Variants in MAN2A2 observed in about 807,000 individuals in gnomAD.
The protein encoded by MAN2A2 is mannosidase alpha class 2A member 2.
In MAN2A2, 79 loss-of-function variants were observed where a neutral mutation model predicts 126.8. The observed-to-expected ratio is 0.62, with a 90% CI of 0.52 to 0.75. The LOEUF (loss-of-function observed/expected upper bound fraction) is 0.75, where lower values mean the gene tolerates loss of function less well. Among genes scored for constraint, MAN2A2 ranks in the 30% least tolerant of loss-of-function variants. The pLI, the probability that MAN2A2 is intolerant of heterozygous loss-of-function variation, is 0.00. For synonymous variants in MAN2A2, 671 were observed against 618.7 expected (o/e 1.08, Z -1.25); for missense variants, 1,392 against 1,522.4 (o/e 0.91, Z 1.43).
intron 22 of MAN2A2, among the ~76,000 whole-genome samples, chr15:90,918,970 C>G (rs1440636591): frequency 6.6e-6 from 1 of 152,182 alleles, no homozygotes. Flanking sequence ...GTTCCCTGAG[C>G]AGGGACCTCT....
In MAN2A2 at chr15:90,914,542, C is replaced by T. The variant is rs544300620; in HGVS notation, c.2860+787C>T. 7.2e-5 allele frequency among the ~76,000 whole-genome samples: 11 copies of T among 151,854 alleles called. No individual in the cohort carries two copies. The East Asian group carries it at 9.7e-4, about 13-fold the overall frequency. On this transcript the variant is annotated intron_variant, in intron 19 of 22. Coordinates refer to ENST00000559717, the MANE Select transcript of MAN2A2 (RefSeq NM_006122.4). ...TTTTTTTTGTTTTTTTGTTTTGAGA[C>T]GGAGTTTCACTCTTTCGCCCAGGCT... is the stretch of plus-strand genomic sequence containing the variant.
In MAN2A2 at chr15:90,905,605, G is replaced by A. The variant is rs915735275; in HGVS notation, c.417G>A (p.Pro139=). Residue 139 remains proline, a synonymous_variant, in exon 4 of 23, where the codon CCG becomes CCA. Transcript: ENST00000559717. ...TGCTCACTGTGTCGGAGGAGCTGCC[G>A]TTTGACAACGTGGATGGTGGTGTGT... ...LQMLTVSEEL[P]FDNVDGGVWR... 6.8e-6 allele frequency: 11 copies of A among 1,614,086 alleles called. No homozygotes were observed. Among genetic ancestry groups the A allele is most frequent in the East Asian group, 4.5e-5 (2 of 44,900 alleles).
chr15:90,912,177 C>A lies in MAN2A2; in HGVS notation c.2244C>A (p.His748Gln), dbSNP rs144474978. Residue 748 changes from histidine (H) to glutamine (Q), a missense_variant, in exon 15 of 23, where the codon CAC becomes CAA. Coordinates refer to ENST00000559717, the MANE Select transcript of MAN2A2 (RefSeq NM_006122.4). Reference protein sequence around the residue: ...LHGRQLSVSRHEAFPLRVIDS... With the variant: ...LHGRQLSVSRQEAFPLRVIDS... ...GCCGGCAGCTGTCCGTCAGCAGGCA[C>A]GAAGCGTTTCCTCTCCGTGTCATTG... 2.0e-5 allele frequency: 33 copies of A among 1,614,092 alleles called. No individual in the cohort carries two copies. Among genetic ancestry groups the A allele is most frequent in the Non-Finnish European group, 2.8e-5 (33 of 1,180,000 alleles).
chr15:90,904,174 G>T lies in MAN2A2; in HGVS notation c.-18-16G>T, dbSNP rs1174015790. On this transcript the variant is annotated splice_polypyrimidine_tract_variant and intron_variant, in intron 1 of 22. Transcript: ENST00000559717. The stretch of plus-strand genomic sequence containing the variant: ...ATTTTGCATGTTGGAGCTACAGATG[G>T]TGTCCTTCCTGCCAGGTGTGTGTGG... 5 of 1,613,976 alleles carry T rather than the reference G, an allele frequency of 3.1e-6. No homozygotes were observed. Among genetic ancestry groups the T allele is most frequent in the African/African-American group, 1.3e-5 (1 of 74,938 alleles).
In MAN2A2 at chr15:90,911,024, G is replaced by A. The variant is rs1400368023; in HGVS notation, c.1875+63G>A. ...GTGTGCAGGTCCCATCCCAAGAGCT[G>A]CTGGATGGGGGTGCCGCTTCTCTTT... On this transcript the variant is annotated intron_variant, in intron 12 of 22. Transcript: ENST00000559717. 25 of 1,499,510 alleles carry A rather than the reference G, an allele frequency of 1.7e-5. 1 individual carries two copies. 92.9% of individuals were successfully genotyped at this position (1,499,510 alleles called of 1,614,324 possible). A position where few individuals can be genotyped will look rare whatever the true frequency, so the allele number is the denominator to read the frequency against.
chr15:90,913,803 C>A (rs979051575), intron 19 of MAN2A2, 48 bp downstream of exon 19: 3 of 1,528,964 alleles, frequency 2.0e-6, no homozygotes, highest in Admixed American at 4.3e-5. Flanking sequence ...CAAAAAGAAG[C>A]CCGTCCCCAC....
chr15:90,912,659 G>A lies in MAN2A2; in HGVS notation c.2464G>A (p.Ala822Thr). ...CTACCTCTTCCTGCCCGATGGCGAGGCCAAGGTATCCTAAAGATGCCTTGA... is the reference window on the plus strand; with the variant it reads ...CTACCTCTTCCTGCCCGATGGCGAGACCAAGGTATCCTAAAGATGCCTTGA... ...GAYLFLPDGEAKPYVPKEPPV... is the reference protein window; with the variant it reads ...GAYLFLPDGETKPYVPKEPPV... Residue 822 changes from alanine (A) to threonine (T), a missense_variant, in exon 16 of 23, where the codon GCC (alanine) becomes ACC (threonine). By Grantham distance (58) the Ala-to-Thr change is moderately conservative. Coordinates refer to ENST00000559717, the MANE Select transcript of MAN2A2 (RefSeq NM_006122.4). 3 of 1,614,098 alleles carry A rather than the reference G, an allele frequency of 1.9e-6. No homozygotes were observed. The highest frequency in any genetic ancestry group is 2.5e-6 in the Non-Finnish European group (3 of 1,180,022).
At chr15:90,910,741 C>T (rs1290069154) in intron 11 of MAN2A2, 58 bp downstream of exon 11, 1 of 1,605,834 alleles carries the variant, frequency 6.2e-7, no homozygotes, top group Non-Finnish European at 8.5e-7. Flanking sequence ...AAAGAAAGGA[C>T]ATTGGGTGGT....
intron 19 of MAN2A2, 148 bp downstream of exon 19, chr15:90,913,903 C>A: frequency 9.0e-7 from 1 of 1,111,216 alleles, no homozygotes; most frequent in Non-Finnish European, 1.2e-6. Context: ...CCATTCAGAG[C>A]TCTTGGCACA....
intron 22 of MAN2A2, 59 bp from the exon 23 acceptor site, chr15:90,919,576 C>T (rs986615073): frequency 2.6e-5 from 42 of 1,585,400 alleles, no homozygotes; most frequent in Non-Finnish European, 3.6e-5. Flanking sequence ...AGATGAACAG[C>T]CACATTCTTT....
In MAN2A2 at chr15:90,906,034, A is replaced by G. The variant is rs756854134; in HGVS notation, c.707+18A>G. ...GTCCGAAGGCCAGTACCAGGCGGGG[A>G]GGCATGGGAGGGCATTGTCTGAGCC... On this transcript the variant is annotated intron_variant, in intron 5 of 22. Transcript: ENST00000559717. The G allele has an allele frequency of 1.9e-6, 3 of 1,612,964 alleles. No homozygotes were observed. In the South Asian group the frequency reaches 3.3e-5, roughly 18 times the overall value.
At position 90,909,515 on chromosome 15, in the gene MAN2A2, C is replaced by G. The variant is rs369561249; in HGVS notation, c.1374+11C>G. ...AACCTCCATGTGCAGGTGTGAGGGGCACTTGACTGGGGAGGGGCCTCACAG... is the reference window on the plus strand; with the variant it reads ...AACCTCCATGTGCAGGTGTGAGGGGGACTTGACTGGGGAGGGGCCTCACAG... On this transcript the variant is annotated intron_variant, in intron 9 of 22. Transcript: ENST00000559717. 6.2e-7 allele frequency: 1 copy of G among 1,602,716 alleles called. No homozygotes were observed. The highest frequency in any genetic ancestry group is 2.2e-5 in the East Asian group (1 of 44,570).
intron 17 of MAN2A2, 79 bp from the exon 18 acceptor site, chr15:90,913,194 C>T: frequency 6.5e-7 from 1 of 1,549,154 alleles, no homozygotes; most frequent in South Asian, 1.2e-5. Flanking sequence ...CCCAGCTCGG[C>T]TCTGATCCCC....
At chr15:90,919,310 G>C (rs1241171302) in intron 22 of MAN2A2, among the ~76,000 whole-genome samples, 4 of 152,246 alleles carry the variant, frequency 2.6e-5, no homozygotes, top group Non-Finnish European at 5.9e-5. Flanking sequence ...CGTGATCGCA[G>C]CTCACTGCAA....
intron 8 of MAN2A2, among the ~76,000 whole-genome samples, chr15:90,908,520 C>T (rs1214876273): frequency 6.6e-6 from 1 of 151,972 alleles, no homozygotes; most frequent in East Asian, 1.9e-4. Context: ...CATTATGTAC[C>T]AGGCACTATT....
chr15:90,915,309 G>C (rs560409218), intron 19 of MAN2A2: 1 of 152,382 alleles, frequency 6.6e-6, no homozygotes, highest in Non-Finnish European at 1.5e-5. Context: ...GACTGGAGAG[G>C]TGAAAGGGAG....
chr15:90,910,049 G>T lies in MAN2A2; in HGVS notation c.1375-41G>T, dbSNP rs536034645. The T allele has an allele frequency of 2.1e-4, 327 of 1,564,350 alleles. 2 individuals are homozygous for T. In the South Asian group the frequency reaches 3.2e-3, roughly 15 times the overall value. On this transcript the variant is annotated intron_variant, in intron 9 of 22. Coordinates refer to ENST00000559717, the MANE Select transcript of MAN2A2 (RefSeq NM_006122.4). ...GCACTGTGGCCACAATTTGCAGGAG[G>T]CTCTAGAACTGATGGGAGTGGGTTT...
chr15:90,910,657 G>C lies in MAN2A2; in HGVS notation c.1734G>C (p.Glu578Asp). The change falls in exon 11 of 23, where the codon GAG becomes GAC. Residue 578 changes from glutamate (E) to aspartate (D), a missense_variant. Coordinates refer to ENST00000559717, the MANE Select transcript of MAN2A2 (RefSeq NM_006122.4). ...HHDAITGTAK[E>D]AVVVDYGVRL... ...ATGCCATCACTGGCACGGCCAAGGAGGCTGTGGTGGTGGACTATGGGGTCA... is the reference window on the plus strand; with the variant it reads ...ATGCCATCACTGGCACGGCCAAGGACGCTGTGGTGGTGGACTATGGGGTCA... 6.2e-7 allele frequency: 1 copy of C among 1,614,134 alleles called. No homozygotes were observed. The highest frequency in any genetic ancestry group is 8.5e-7 in the Non-Finnish European group (1 of 1,180,028).
In MAN2A2 at chr15:90,905,292, G is replaced by A. The variant is rs777536263; in HGVS notation, c.174G>A (p.Glu58=). The part of the protein sequence containing the change: ...SVLQNRIEQL[E]QLLEENHEII... ...TGCAGAACCGCATTGAGCAGCTGGA[G>A]CAGCTTTTGGAGGAGAACCATGAGA... The change falls in exon 3 of 23, where the codon GAG becomes GAA. Residue 58 remains glutamate, a synonymous_variant. Coordinates refer to ENST00000559717, the MANE Select transcript of MAN2A2 (RefSeq NM_006122.4). 6.2e-7 allele frequency: 1 copy of A among 1,613,796 alleles called. No individual in the cohort carries two copies. Among genetic ancestry groups the A allele is most frequent in the Admixed American group, 1.7e-5 (1 of 60,030 alleles).
Sources: gnomAD v4.1 joint callset for allele counts (sites outside exome capture counted in the v4.1 genomes callset) on GRCh38, gnomAD v4.1.1 for gene constraint, MANE v1.5 for transcripts, NCBI Gene and HGNC (gene_info 2026-07-23, HGNC 2026-07-21) for gene names.